The following PRKCE variants were observed in gnomAD, a reference collection of about 807,000 sequenced individuals.
PRKCE encodes protein kinase C epsilon type.
Under a neutral mutation model 85.4 loss-of-function variants are expected in PRKCE, and 16 were observed. The ratio of observed to expected loss-of-function variants is 0.19; its 90% CI spans 0.13 to 0.28. The LOEUF (loss-of-function observed/expected upper bound fraction) is 0.28, where lower values mean the gene tolerates loss of function less well. Ranked by LOEUF, PRKCE falls within the 10% of genes least tolerant of loss-of-function variation. PRKCE has a pLI of 1.00. For missense variants in PRKCE, 573 were observed against 975.2 expected, an observed-to-expected ratio of 0.59 and a Z score of 5.49; for synonymous variants, 388 against 371.5, an observed-to-expected ratio of 1.04 and a Z score of -0.51.
At chr2:46,144,985 G>C (rs774949665) in intron 11 of PRKCE, 108 bp from the exon 12 acceptor site, 1 of 1,506,220 alleles carries the variant, frequency 6.6e-7, no homozygotes, top group East Asian at 2.3e-5. Flanking sequence ...GCTTCTTTCA[G>C]GACTTTTTTG....
Position 46,185,177 on chromosome 2 carries a change from G to A in PRKCE, c.*296G>A. On this transcript the variant is annotated 3_prime_UTR_variant, in exon 15 of 15. Coordinates refer to ENST00000306156, the MANE Select transcript of PRKCE (RefSeq NM_005400.3). This position sits in a 1 kb window ranked among gnomAD's most constrained non-coding sequence, Gnocchi z 4.7. ...GCAAGCCTGGTTCCACTCCTCAGGGGCTCCTGGCAGTGAAGCAACTTCAGT... is the reference window on the plus strand; with the variant it reads ...GCAAGCCTGGTTCCACTCCTCAGGGACTCCTGGCAGTGAAGCAACTTCAGT... The A allele has an allele frequency of 3.2e-6, 1 of 314,960 alleles. No homozygotes were observed. The highest frequency in any genetic ancestry group is 5.8e-6 in the Non-Finnish European group (1 of 172,634). The allele number at this position is 314,960 out of a possible 1,614,324, so 19.5% of individuals were successfully genotyped here. A position where few individuals can be genotyped will look rare whatever the true frequency, so the allele number is the denominator to read the frequency against.
intron 1 of PRKCE, among the ~76,000 whole-genome samples, chr2:45,729,103 G>A (rs190105779): frequency 3.3e-5 from 5 of 152,266 alleles, no homozygotes; most frequent in Admixed American, 3.3e-4. Flanking sequence ...TGATGACTTG[G>A]AAGCCTGGAC....
At chr2:46,071,388 G>A (rs1157824546) in intron 10 of PRKCE, among the ~76,000 whole-genome samples, 1 of 152,188 alleles carries the variant, frequency 6.6e-6, no homozygotes, top group Non-Finnish European at 1.5e-5. Context: ...TTAAGGGGTA[G>A]GCAGCTACAA....
At chr2:46,114,644 C>T (rs942680977) in intron 11 of PRKCE, among the ~76,000 whole-genome samples, 2 of 151,466 alleles carry the variant, frequency 1.3e-5, no homozygotes, top group Non-Finnish European at 2.9e-5. Context: ...TGGTCTCGAT[C>T]TCCTGACCTC....
In PRKCE at chr2:45,907,731, G is replaced by C. The variant is rs116252929; in HGVS notation, c.412+64668G>C. Among the ~76,000 whole-genome samples, 2,105 of 152,288 alleles carry C rather than the reference G, an allele frequency of 0.014. 72 individuals carry two copies. The highest frequency in any genetic ancestry group is 0.049 in the African/African-American group (2,029 of 41,538). On this transcript the variant is annotated intron_variant, in intron 2 of 14. Transcript: ENST00000306156. This position sits in a 1 kb window ranked among gnomAD's most constrained non-coding sequence, Gnocchi z 4.5. ...AGCACAGCACCACTGCGCAGCTGTA[G>C]TACCTGAGGGCGTGACTGAGCCAAT...
chr2:45,926,616 A>C (rs1242240459), intron 2 of PRKCE, among the ~76,000 whole-genome samples: 1 of 152,216 alleles, frequency 6.6e-6, no homozygotes, highest in Non-Finnish European at 1.5e-5. Flanking sequence ...GGAGGCTGAG[A>C]AGGATTTGTA....
chr2:45,751,809 A>ATTTTTTTTTTTTTTTTTTTTTTTTTTTTT (rs34589907), intron 1 of PRKCE, among the ~76,000 whole-genome samples: 1 of 78,506 alleles, frequency 1.3e-5, no homozygotes, highest in African/African-American at 5.7e-5. Context: ...GCTAACCACT[A>ATTTTTTTTTTTTTTTTTTTTTTTTTTTTT]TTTTTTTTTT....
rs998766593 is a variant in PRKCE, at chr2:46,068,098, G to C, written c.1438-18110G>C. Reference sequence around the variant, plus strand: ...TCAGAGAGAGACTGGGGGTTTGTCTGCACTTTTACATTATCAGTGGGTAGA... The same window carrying C: ...TCAGAGAGAGACTGGGGGTTTGTCTCCACTTTTACATTATCAGTGGGTAGA... On this transcript the variant is annotated intron_variant, in intron 10 of 14. Transcript: ENST00000306156. This position sits in a 1 kb window ranked among gnomAD's most constrained non-coding sequence, Gnocchi z 4.3. Among the ~76,000 whole-genome samples, 3 of 152,132 alleles carry C rather than the reference G, an allele frequency of 2.0e-5. No homozygotes were observed. Among genetic ancestry groups the C allele is most frequent in the Non-Finnish European group, 4.4e-5 (3 of 68,016 alleles).
intron 1 of PRKCE, among the ~76,000 whole-genome samples, chr2:45,828,583 TG>T (rs1288210999): frequency 2.0e-5 from 3 of 152,206 alleles, no homozygotes; most frequent in African/African-American, 7.2e-5. Context: ...TAAAATAATT[TG>T]TCTCATTTTT....
rs139526821 is a variant in PRKCE, at chr2:46,007,577, C to A, written c.1179C>A (p.Gly393=). The A allele has an allele frequency of 1.9e-6, 3 of 1,599,670 alleles. No individual in the cohort carries two copies. The highest frequency in any genetic ancestry group is 2.7e-5 in the African/African-American group (2 of 74,938). The change falls in exon 9 of 15, where the codon GGC becomes GGA. Residue 393 remains glycine, a synonymous_variant. Coordinates refer to ENST00000306156, the MANE Select transcript of PRKCE (RefSeq NM_005400.3). ...AGCTGATGAGCCCCGGTGAGAATGGCGAAGTCCGGCAAGGCCAGGCCAAGC... is the reference window on the plus strand; with the variant it reads ...AGCTGATGAGCCCCGGTGAGAATGGAGAAGTCCGGCAAGGCCAGGCCAAGC... The part of the protein sequence containing the change: ...DGQLMSPGEN[G]EVRQGQAKRL...
intron 1 of PRKCE, chr2:45,675,191 A>G (rs1676372560): frequency 6.6e-6 from 1 of 152,242 alleles, no homozygotes; most frequent in Non-Finnish European, 1.5e-5. Context: ...ATAGCACAAG[A>G]AAACACTCTG....
chr2:45,748,608 T>C (rs1273883598), intron 1 of PRKCE, among the ~76,000 whole-genome samples: 1 of 152,208 alleles, frequency 6.6e-6, no homozygotes, highest in East Asian at 1.9e-4. Context: ...GCAGATACTC[T>C]GGCTTTTTGG....
rs184281856 is a variant in PRKCE at position 46,102,175 on chromosome 2, T to G, written c.1592+15813T>G. Among the ~76,000 whole-genome samples the G allele has an allele frequency of 3.5e-3, 526 of 152,210 alleles. 4 individuals are homozygous for G. Among genetic ancestry groups the G allele is most frequent in the Non-Finnish European group, 4.7e-3 (318 of 68,006 alleles). The stretch of plus-strand genomic sequence containing the variant: ...AGGGTTTTCCTCATTGTAAAGCCAT[T>G]GTTAAGTGCTTGCCAGGACACCACT... On this transcript the variant is annotated intron_variant, in intron 11 of 14. Coordinates refer to ENST00000306156, the MANE Select transcript of PRKCE (RefSeq NM_005400.3).
intron 2 of PRKCE, among the ~76,000 whole-genome samples, chr2:45,943,802 C>T (rs533018007): frequency 7.2e-5 from 11 of 152,360 alleles, no homozygotes; most frequent in African/African-American, 2.6e-4. Flanking sequence ...ATGCACCAGA[C>T]AGCAGCAGGG....
intron 7 of PRKCE, among the ~76,000 whole-genome samples, chr2:46,002,394 C>T (rs1704767004): frequency 2.0e-5 from 3 of 152,200 alleles, no homozygotes; most frequent in Admixed American, 1.3e-4. Flanking sequence ...ACTCTAGGTA[C>T]CTCTGCAATC....
chr2:45,898,191 C>A (rs1301857394), intron 2 of PRKCE, among the ~76,000 whole-genome samples: 1 of 152,168 alleles, frequency 6.6e-6, no homozygotes, highest in Non-Finnish European at 1.5e-5. Flanking sequence ...ATCGCTTCAC[C>A]TTATTTATTC....
chr2:45,728,231 C>G (rs1201451034), intron 1 of PRKCE, among the ~76,000 whole-genome samples: 2 of 152,162 alleles, frequency 1.3e-5, no homozygotes, highest in African/African-American at 4.8e-5. Context: ...TCTGTTTTGG[C>G]TTCAAAGGGC....
chr2:45,826,171 G>C (rs145647310), intron 1 of PRKCE, among the ~76,000 whole-genome samples: 1 of 152,228 alleles, frequency 6.6e-6, no homozygotes, highest in South Asian at 2.1e-4. Context: ...TGTGTTGGAG[G>C]GCTCCAGGGT....
At chr2:45,983,704 A>T (rs935797592) in intron 5 of PRKCE, among the ~76,000 whole-genome samples, 4 of 151,968 alleles carry the variant, frequency 2.6e-5, no homozygotes, top group African/African-American at 9.7e-5. Context: ...GGTTTAACTG[A>T]GATAATGGTG....
Sources: gnomAD v4.1 joint callset for allele counts (sites outside exome capture counted in the v4.1 genomes callset) on GRCh38, gnomAD v4.1.1 for gene constraint, Gnocchi (gnomAD v3.1) non-coding constraint, MANE v1.5 for transcripts, NCBI Gene and HGNC (gene_info 2026-07-23, HGNC 2026-07-21) for gene names.